PHYKPL: variants seen among roughly 807,000 people sequenced by gnomAD.
PHYKPL encodes the protein 5-phosphonooxy-L-lysine phospho-lyase.
A neutral mutation model predicts 51.3 loss-of-function variants in PHYKPL; 42 were observed. The ratio of observed to expected loss-of-function variants is 0.82; its 90% CI spans 0.64 to 1.06. The LOEUF (loss-of-function observed/expected upper bound fraction) is 1.06, where lower values mean the gene tolerates loss of function less well. Among genes scored for constraint, PHYKPL ranks in the 50% least tolerant of loss-of-function variants. The pLI is 0.00. For synonymous variants in PHYKPL, 264 were observed against 236.0 expected, an observed-to-expected ratio of 1.12 and a Z score of -1.09; for missense variants, 655 against 586.6, an observed-to-expected ratio of 1.12 and a Z score of -1.20.
chr5:178,231,828 G>A (rs1396995776), intron 1 of PHYKPL: 7 of 1,365,580 alleles, frequency 5.1e-6, no homozygotes, highest in Non-Finnish European at 6.8e-6. Context: ...GAGAAAAGGT[G>A]GCTGCCCCGT....
At chr5:178,223,063 C>G (rs527272469) in intron 6 of PHYKPL, 129 bp from the exon 7 acceptor site, 44 of 841,522 alleles carry the variant, frequency 5.2e-5, no homozygotes, top group Non-Finnish European at 8.0e-5. Flanking sequence ...ACTTTGGGTT[C>G]CATGTTACAT....
At chr5:178,224,162 C>G (rs976586904) in intron 6 of PHYKPL, among the ~76,000 whole-genome samples, 3 of 152,336 alleles carry the variant, frequency 2.0e-5, no homozygotes, top group South Asian at 2.1e-4. Flanking sequence ...TCTGCTACTC[C>G]CCACCCCACC....
At position 178,209,514 on chromosome 5, in the gene PHYKPL, T is replaced by TG. The variant is rs1757519995; in HGVS notation, c.*32-600dup. 51 of 1,375,462 alleles carry TG rather than the reference T, an allele frequency of 3.7e-5. 1 individual carries two copies. The South Asian group carries it at 5.3e-4, about 14-fold the overall frequency. The allele number at this position is 1,375,462 out of a possible 1,614,324, so 85.2% of individuals were successfully genotyped here. A position where few individuals can be genotyped will look rare whatever the true frequency, so the allele number is the denominator to read the frequency against. On this transcript the variant is annotated intron_variant, in intron 12 of 12. Coordinates refer to ENST00000308158, the MANE Select transcript of PHYKPL (RefSeq NM_153373.4). Reference sequence around the variant, plus strand: ...TACATGGAGCCTTCCAAGCCTGTCTTGGGGCTCCCTCTGGTGCTGTGCAGC... The same window carrying TG: ...TACATGGAGCCTTCCAAGCCTGTCTTGGGGGCTCCCTCTGGTGCTGTGCAGC...
intron 3 of PHYKPL, among the ~76,000 whole-genome samples, chr5:178,229,533 C>T (rs554456948): frequency 6.6e-6 from 1 of 152,300 alleles, no homozygotes; most frequent in African/African-American, 2.4e-5. Context: ...GTCAGGTCCC[C>T]TCACTTTTTC....
chr5:178,207,349 G>A (rs982358549), downstream of PHYKPL: 5 of 1,139,576 alleles, frequency 4.4e-6, no homozygotes, highest in African/African-American at 1.5e-5. Flanking sequence ...CTATTTCTCT[G>A]AAGCGTATGC....
intron 2 of PHYKPL, among the ~76,000 whole-genome samples, chr5:178,231,190 C>T (rs899775051): frequency 1.3e-5 from 2 of 152,238 alleles, no homozygotes; most frequent in African/African-American, 4.8e-5. Context: ...ACTAGACTCA[C>T]AGACCTAGAT....
Position 178,213,034 on chromosome 5 carries a change from TGGGG to T in PHYKPL, c.1238_1241del (p.Pro413GlnfsTer20), listed in dbSNP as rs745987207. The T allele has an allele frequency of 1.2e-6, 2 of 1,614,198 alleles. No homozygotes were observed. The highest frequency in any genetic ancestry group is 2.7e-5 in the African/African-American group (2 of 75,066). Reference sequence around the variant, plus strand: ...GTGCATTGTCCAGGCTGAAGCACATTGGGGGCTTAAACTTCAGGATGTTCCTCCC... The same window carrying T: ...GTGCATTGTCCAGGCTGAAGCACATTGCTTAAACTTCAGGATGTTCCTCCC... On this transcript the variant is annotated frameshift_variant, in exon 11 of 13. Transcript: ENST00000308158. LOFTEE classifies it high-confidence loss of function.
downstream of PHYKPL, chr5:178,207,284 G>C: frequency 6.2e-7 from 1 of 1,600,984 alleles, no homozygotes; most frequent in Non-Finnish European, 8.5e-7. Context: ...GCCCTTAGAG[G>C]GATGGGTTAG....
chr5:178,209,886 GTGAC>G (rs1188897051), intron 12 of PHYKPL, among the ~76,000 whole-genome samples: 1 of 152,270 alleles, frequency 6.6e-6, no homozygotes, highest in African/African-American at 2.4e-5. Context: ...TGATCAGAGA[GTGAC>G]TGAGTGAGTG....
intron 12 of PHYKPL, chr5:178,210,034 A>G: frequency 1.3e-6 from 2 of 1,534,776 alleles, no homozygotes; most frequent in Admixed American, 2.1e-5. Context: ...CTGAGTTGCC[A>G]CAGTAACCCT....
chr5:178,231,285 G>T, intron 2 of PHYKPL, 120 bp downstream of exon 2: 3 of 1,505,914 alleles, frequency 2.0e-6, no homozygotes, highest in Admixed American at 3.5e-5. Flanking sequence ...TCTGCATACT[G>T]ACAGTGCCTC....
chr5:178,211,617 A>G (rs1332337687), intron 12 of PHYKPL: 1 of 397,124 alleles, frequency 2.5e-6, no homozygotes, highest in East Asian at 4.9e-5. Flanking sequence ...TATTTAGGGC[A>G]TAAGACTAGG....
In PHYKPL at chr5:178,209,199, A is replaced by AG. The variant is rs1757387552; in HGVS notation, c.*32-285_*32-284insC. 12 of 777,408 alleles carry AG rather than the reference A, an allele frequency of 1.5e-5. No individual in the cohort carries two copies. The South Asian group carries it at 1.6e-4, about 10-fold the overall frequency. The allele number at this position is 777,408 out of a possible 1,614,324, so 48.2% of individuals were successfully genotyped here. A position where few individuals can be genotyped will look rare whatever the true frequency, so the allele number is the denominator to read the frequency against. ...AGCTTTAGCCCAAAGGTGGCCTCCC[A>AG]TACTAGCATATTTTGTTTCTCAGCA... On this transcript the variant is annotated intron_variant, in intron 12 of 12. Coordinates refer to ENST00000308158, the MANE Select transcript of PHYKPL (RefSeq NM_153373.4).
intron 8 of PHYKPL, chr5:178,216,239 G>A (rs981733869): frequency 2.0e-5 from 3 of 152,152 alleles, no homozygotes; most frequent in Admixed American, 6.5e-5. Context: ...CGTACTCCTG[G>A]GAGTCTAGAA....
intron 8 of PHYKPL, among the ~76,000 whole-genome samples, chr5:178,220,336 TA>T: frequency 6.6e-6 from 1 of 151,570 alleles, no homozygotes; most frequent in Non-Finnish European, 1.5e-5. Context: ...CCATCTCTAC[TA>T]AAAATACAAA....
chr5:178,222,667 G>A, intron 7 of PHYKPL, 87 bp from the exon 8 acceptor site: 2 of 1,449,578 alleles, frequency 1.4e-6, no homozygotes, highest in South Asian at 1.2e-5. Context: ...TTGCACCCTG[G>A]CTCTGCCAGC....
intron 4 of PHYKPL, 72 bp downstream of exon 4, chr5:178,225,283 T>A: frequency 6.4e-7 from 1 of 1,564,282 alleles, no homozygotes; most frequent in African/African-American, 1.4e-5. Context: ...GCACCCAGAG[T>A]CAGTCTCACG....
intron 8 of PHYKPL, chr5:178,216,759 G>C (rs984478298): frequency 5.9e-5 from 9 of 152,268 alleles, no homozygotes. Context: ...ATGTTAGCTG[G>C]GTGCAGTGGC....
At chr5:178,228,247 AGAG>A in intron 3 of PHYKPL, 1 of 428,250 alleles carries the variant, frequency 2.3e-6, no homozygotes, top group South Asian at 3.1e-5. Context: ...CCCAAGGAAC[AGAG>A]GAGGAATCAG....
Sources: gnomAD v4.1 joint callset for allele counts (sites outside exome capture counted in the v4.1 genomes callset) on GRCh38, gnomAD v4.1.1 for gene constraint, MANE v1.5 for transcripts, NCBI Gene and HGNC (gene_info 2026-07-23, HGNC 2026-07-21) for gene names.